The following ZMYM1 variants were observed in gnomAD, a reference collection of about 807,000 sequenced individuals.
The protein encoded by ZMYM1 is zinc finger MYM-type containing 1.
A neutral mutation model predicts 60.0 loss-of-function variants in ZMYM1; 39 were observed. That is an observed-to-expected ratio of 0.65 (90% CI 0.50 to 0.85). The LOEUF is 0.85. ZMYM1 is among the 40% of genes least tolerant of loss of function. The probability of loss-of-function intolerance (pLI) is 0.00; values close to 1 mark genes in which losing one functional copy is unlikely to be tolerated. For synonymous variants in ZMYM1, 413 were observed against 454.0 expected (o/e 0.91, Z 1.15); for missense variants, 1,171 against 1,309.5 (o/e 0.89, Z 1.63).
chr1:35,101,626 C>CTCTT (rs1463442774), intron 4 of ZMYM1, among the ~76,000 whole-genome samples: 1 of 151,630 alleles, frequency 6.6e-6, no homozygotes, highest in Non-Finnish European at 1.5e-5. Context: ...CCTCACTCTC[C>CTCTT]TCTTACAACC....
intron 4 of ZMYM1, among the ~76,000 whole-genome samples, chr1:35,103,177 G>A (rs1643745290): frequency 2.0e-5 from 3 of 152,010 alleles, no homozygotes; most frequent in African/African-American, 7.3e-5. Context: ...ATAATGTTGT[G>A]TGACCATCCC....
rs756806190 is a variant in ZMYM1 at position 35,093,902 on chromosome 1, A to G, written c.-74-12A>G. The G allele has an allele frequency of 2.0e-5, 19 of 931,714 alleles. No homozygotes were observed. Among genetic ancestry groups the G allele is most frequent in the Non-Finnish European group, 2.9e-5 (18 of 630,192 alleles). 57.7% of individuals were successfully genotyped at this position (931,714 alleles called of 1,614,324 possible). A position where few individuals can be genotyped will look rare whatever the true frequency, so the allele number is the denominator to read the frequency against. On this transcript the variant is annotated splice_polypyrimidine_tract_variant and intron_variant, in intron 1 of 9. Coordinates refer to ENST00000359858, the MANE Select transcript of ZMYM1 (RefSeq NM_024772.5). Reference sequence around the variant, plus strand: ...TTTTAAAATCAAACTCTTTATCAATATTTTATTTTAGGAATCTGGAAACTG... The same window carrying G: ...TTTTAAAATCAAACTCTTTATCAATGTTTTATTTTAGGAATCTGGAAACTG...
intron 1 of ZMYM1, among the ~76,000 whole-genome samples, chr1:35,083,425 T>G (rs1362465183): frequency 6.6e-6 from 1 of 152,002 alleles, no homozygotes; most frequent in Non-Finnish European, 1.5e-5. Context: ...ATGTTCAAAT[T>G]GCAAGTGTGA....
At chr1:35,116,890 C>T (rs1380934227), downstream of ZMYM1, among the ~76,000 whole-genome samples, 3 of 117,548 alleles carry the variant, frequency 2.6e-5, no homozygotes, top group South Asian at 5.6e-4. Context: ...GTCGCCCAGG[C>T]GGGAGTGCTG....
chr1:35,088,358 C>T (rs1642772674), intron 1 of ZMYM1, among the ~76,000 whole-genome samples: 1 of 149,848 alleles, frequency 6.7e-6, no homozygotes, highest in East Asian at 2.0e-4. Flanking sequence ...GTGGAGGTTG[C>T]AGTGAGCCGT....
Position 35,113,022 on chromosome 1 carries a change from A to T in ZMYM1, c.1192A>T (p.Ser398Cys), listed in dbSNP as rs192853494. The change falls in exon 10 of 10, where the codon AGT becomes TGT. Residue 398 changes from serine to cysteine, a missense_variant. Ser to Cys is a moderately radical substitution (Grantham distance 112). Transcript: ENST00000359858. The stretch of plus-strand genomic sequence containing the variant: ...TGAACCCAGTAATGCTGTTGCTAGT[A>T]GTAGTACGGAACAGCCAAGCGTTTC... Reference protein sequence around the residue: ...PSEPSNAVASSSTEQPSVSPS... With the variant: ...PSEPSNAVASCSTEQPSVSPS... 1.2e-6 allele frequency: 2 copies of T among 1,611,092 alleles called. No homozygotes were observed. Among genetic ancestry groups the T allele is most frequent in the Non-Finnish European group, 1.7e-6 (2 of 1,179,016 alleles).
intron 1 of ZMYM1, chr1:35,093,253 A>G (rs943407662): frequency 2.6e-5 from 4 of 152,434 alleles, no homozygotes; most frequent in African/African-American, 4.8e-5. Context: ...GGTAGTGAGT[A>G]CAGATTGGGT....
At chr1:35,092,016 C>T (rs544334914) in intron 1 of ZMYM1, among the ~76,000 whole-genome samples, 54 of 152,044 alleles carry the variant, frequency 3.6e-4, no homozygotes, top group Admixed American at 6.6e-4. Context: ...ACCTCTGCCT[C>T]CCGTTTTCAA....
chr1:35,090,973 G>A (rs1289319447), intron 1 of ZMYM1, among the ~76,000 whole-genome samples: 1 of 151,970 alleles, frequency 6.6e-6, no homozygotes, highest in Non-Finnish European at 1.5e-5. Flanking sequence ...TAATTAAAAG[G>A]TAGATTGATC....
At chr1:35,065,599 C>G (rs1268600557) in intron 1 of ZMYM1, among the ~76,000 whole-genome samples, 1 of 150,084 alleles carries the variant, frequency 6.7e-6, no homozygotes, top group Admixed American at 6.7e-5. Context: ...GGCATTAATT[C>G]GTTAGAAAAG....
chr1:35,078,490 A>T (rs932098274), upstream of ZMYM1, among the ~76,000 whole-genome samples: 3 of 147,464 alleles, frequency 2.0e-5, no homozygotes, highest in Non-Finnish European at 3.0e-5. Flanking sequence ...GTCAAAAAAC[A>T]TTTAAAATAT....
At chr1:35,096,903 G>A (rs911695062) in intron 3 of ZMYM1, among the ~76,000 whole-genome samples, 8 of 152,032 alleles carry the variant, frequency 5.3e-5, no homozygotes, top group African/African-American at 1.9e-4. Context: ...CATATTGCCC[G>A]GGATGGTCTC....
chr1:35,067,575 A>G (rs1641992915), intron 1 of ZMYM1, among the ~76,000 whole-genome samples: 1 of 152,136 alleles, frequency 6.6e-6, no homozygotes, highest in African/African-American at 2.4e-5. Context: ...ACAAATCACC[A>G]CTAAAGAACT....
At chr1:35,061,820 T>TTTTTTTATTTATTTATTTA (rs372684642) in intron 1 of ZMYM1, among the ~76,000 whole-genome samples, 3 of 145,644 alleles carry the variant, frequency 2.1e-5, no homozygotes, top group East Asian at 2.1e-4. Context: ...TCCCTTTTAT[T>TTTTTTTATTTATTTATTTA]TTTATTTATT....
At chr1:35,108,221 A>G (rs1461186700) in intron 6 of ZMYM1, among the ~76,000 whole-genome samples, 1 of 152,242 alleles carries the variant, frequency 6.6e-6, no homozygotes, top group East Asian at 1.9e-4. Flanking sequence ...ATACTAATAA[A>G]GGATAAAAAT....
At chr1:35,091,126 A>C (rs1405537842) in intron 1 of ZMYM1, among the ~76,000 whole-genome samples, 1 of 152,172 alleles carries the variant, frequency 6.6e-6, no homozygotes, top group Non-Finnish European at 1.5e-5. Flanking sequence ...GTAATAAAAG[A>C]ATATAGTTTT....
downstream of ZMYM1, among the ~76,000 whole-genome samples, chr1:35,116,619 G>A (rs1285954827): frequency 3.3e-5 from 5 of 151,756 alleles, no homozygotes; most frequent in African/African-American, 1.2e-4. Context: ...CACCACGCCT[G>A]GCTAATTTTT....
intron 1 of ZMYM1, among the ~76,000 whole-genome samples, chr1:35,065,346 T>C (rs1641956093): frequency 6.6e-6 from 1 of 152,012 alleles, no homozygotes; most frequent in African/African-American, 2.4e-5. Flanking sequence ...ATAATAAATA[T>C]ATATTCCCTT....
At position 35,113,005 on chromosome 1, in the gene ZMYM1, G is replaced by C; in HGVS notation, c.1175G>C (p.Ser392Thr). Residue 392 changes from serine to threonine, a missense_variant, in exon 10 of 10, where the codon AGT becomes ACT. Ser to Thr is a moderately conservative substitution (Grantham distance 58). Transcript: ENST00000359858. ...DLSKSSPSEPSNAVASSSTEQ... is the reference protein window; with the variant it reads ...DLSKSSPSEPTNAVASSSTEQ... Reference sequence around the variant, plus strand: ...TCTAAGAGTTCACCTAGTGAACCCAGTAATGCTGTTGCTAGTAGTAGTACG... The same window carrying C: ...TCTAAGAGTTCACCTAGTGAACCCACTAATGCTGTTGCTAGTAGTAGTACG... The C allele has an allele frequency of 6.3e-7, 1 of 1,598,952 alleles. No individual in the cohort carries two copies. Among genetic ancestry groups the C allele is most frequent in the East Asian group, 2.2e-5 (1 of 44,618 alleles).
Sources: gnomAD v4.1 joint callset for allele counts (sites outside exome capture counted in the v4.1 genomes callset) on GRCh38, gnomAD v4.1.1 for gene constraint, MANE v1.5 for transcripts, NCBI Gene and HGNC (gene_info 2026-07-23, HGNC 2026-07-21) for gene names.